NPTXR: variants seen among roughly 807,000 people sequenced by gnomAD.
NPTXR encodes neuronal pentraxin receptor.
A neutral mutation model predicts 32.2 loss-of-function variants in NPTXR; 12 were observed. The observed-to-expected ratio is 0.37, with a 90% CI of 0.24 to 0.60. The LOEUF (loss-of-function observed/expected upper bound fraction) is 0.60. NPTXR is among the 20% of genes least tolerant of loss of function. The pLI is 0.66. For synonymous variants in NPTXR, 323 were observed against 315.8 expected (o/e 1.02, Z -0.24); for missense variants, 612 against 682.9 (o/e 0.90, Z 1.16).
chr22:38,835,072 G>T (rs894914986), intron 1 of NPTXR, among the ~76,000 whole-genome samples: 1 of 152,208 alleles, frequency 6.6e-6, no homozygotes, highest in African/African-American at 2.4e-5. Context: ...CATAGTTCTT[G>T]TGGGATTCAA....
chr22:38,842,430 G>A (rs2093132917), intron 1 of NPTXR, among the ~76,000 whole-genome samples: 1 of 152,220 alleles, frequency 6.6e-6, no homozygotes, highest in South Asian at 2.1e-4. Flanking sequence ...GGAGGAAGGT[G>A]GCCATGGGAC....
chr22:38,843,175 C>A lies in NPTXR; in HGVS notation c.624+60G>T. The A allele has an allele frequency of 8.0e-7, 1 of 1,256,586 alleles. No individual in the cohort carries two copies. Among genetic ancestry groups the A allele is most frequent in the Admixed American group, 4.3e-5 (1 of 23,168 alleles). 77.8% of individuals were successfully genotyped at this position (1,256,586 alleles called of 1,614,324 possible). On this transcript the variant is annotated intron_variant, in intron 1 of 4. Coordinates refer to ENST00000333039, the MANE Select transcript of NPTXR (RefSeq NM_014293.4). The surrounding 1 kb of genome is among the most constrained non-coding windows in gnomAD (Gnocchi z 5.3). ...GGAGGCTCGGGGACCGCCGGACGAC[C>A]GCGGCCGGGCGGCCCCTCACACCAC...
At chr22:38,839,512 G>A (rs1011277003) in intron 1 of NPTXR, among the ~76,000 whole-genome samples, 6 of 152,186 alleles carry the variant, frequency 3.9e-5, no homozygotes, top group African/African-American at 1.2e-4. Context: ...GGGCGTGGTG[G>A]CACATGCCTG....
At chr22:38,836,523 G>A (rs962847172) in intron 1 of NPTXR, among the ~76,000 whole-genome samples, 5 of 152,192 alleles carry the variant, frequency 3.3e-5, no homozygotes, top group African/African-American at 2.4e-5. Flanking sequence ...AGCTGTCTGC[G>A]TCCATTTGTA....
rs995751941 is a variant in NPTXR at position 38,833,494 on chromosome 22, C to T, written c.625-4982G>A. ...CCAGCTGAGTGGCCTTGTTATGTAACGGTGCCATGCCTCAGTTTCCCCATT... is the reference window on the plus strand; with the variant it reads ...CCAGCTGAGTGGCCTTGTTATGTAATGGTGCCATGCCTCAGTTTCCCCATT... On this transcript the variant is annotated intron_variant, in intron 1 of 4. Transcript: ENST00000333039. Among the ~76,000 whole-genome samples the T allele has an allele frequency of 4.6e-5, 7 of 152,302 alleles. No individual in the cohort carries two copies. In the East Asian group the frequency reaches 5.8e-4, roughly 13 times the overall value.
chr22:38,827,770 C>T (rs2146193203), intron 2 of NPTXR, among the ~76,000 whole-genome samples: 1 of 152,336 alleles, frequency 6.6e-6, no homozygotes, highest in Middle Eastern at 3.4e-3. Flanking sequence ...AAGCCAGAGA[C>T]AGATATGCAA....
intron 2 of NPTXR, 23 bp from the exon 3 acceptor site, chr22:38,826,770 T>C: frequency 6.2e-7 from 1 of 1,603,468 alleles, no homozygotes; most frequent in African/African-American, 1.3e-5. Flanking sequence ...AAGGCAGACA[T>C]GGTGGAGGTC....
rs2093121407 is a variant in NPTXR, at chr22:38,834,651, C to A, written c.625-6139G>T. 6.7e-6 allele frequency among the ~76,000 whole-genome samples: 1 copy of A among 149,360 alleles called. No individual in the cohort carries two copies. The highest frequency in any genetic ancestry group is 2.5e-5 in the African/African-American group (1 of 40,670). On this transcript the variant is annotated intron_variant, in intron 1 of 4. Coordinates refer to ENST00000333039, the MANE Select transcript of NPTXR (RefSeq NM_014293.4). This position sits in a 1 kb window ranked among gnomAD's most constrained non-coding sequence, Gnocchi z 4.4. ...ATCCATCCATCCATGTGTGCCGCAG[C>A]AACATGGCGTCGTAGTTGCAGACAC...
rs1269410999 is a variant in NPTXR, at chr22:38,834,611, T to TCCAC, written c.625-6100_625-6099insGTGG. Among the ~76,000 whole-genome samples the TCCAC allele has an allele frequency of 6.9e-6, 1 of 144,504 alleles. No homozygotes were observed. The highest frequency in any genetic ancestry group is 1.5e-5 in the Non-Finnish European group (1 of 67,526). The allele number at this position is 144,504 out of a possible 152,430, so 94.8% of individuals were successfully genotyped here. ...CATCCATCCATCCATCATCCATCCA[T>TCCAC]CCATCCATCCATCCATCCATCCATC... On this transcript the variant is annotated intron_variant, in intron 1 of 4. Coordinates refer to ENST00000333039, the MANE Select transcript of NPTXR (RefSeq NM_014293.4). This position sits in a 1 kb window ranked among gnomAD's most constrained non-coding sequence, Gnocchi z 4.4.
chr22:38,842,894 C>A (rs2093133606), intron 1 of NPTXR, among the ~76,000 whole-genome samples: 1 of 152,228 alleles, frequency 6.6e-6, no homozygotes, highest in Non-Finnish European at 1.5e-5. Context: ...GGTCCTAGTA[C>A]GTGCCAAGCA....
At chr22:38,840,561 G>A (rs1269847947) in intron 1 of NPTXR, among the ~76,000 whole-genome samples, 1 of 152,036 alleles carries the variant, frequency 6.6e-6, no homozygotes, top group Non-Finnish European at 1.5e-5. Flanking sequence ...GGGAGAGGGA[G>A]GGGCCAAGGA....
At position 38,822,489 on chromosome 22, in the gene NPTXR, G is replaced by T; in HGVS notation, c.*120C>A. ...GGGTACAGGTGAGGGGAAATGGGAGGCACAGCCAGGAGTGGGGCAGGAGGG... is the reference window on the plus strand; with the variant it reads ...GGGTACAGGTGAGGGGAAATGGGAGTCACAGCCAGGAGTGGGGCAGGAGGG... On this transcript the variant is annotated 3_prime_UTR_variant, in exon 5 of 5. Coordinates refer to ENST00000333039, the MANE Select transcript of NPTXR (RefSeq NM_014293.4). The T allele has an allele frequency of 2.4e-6, 2 of 825,888 alleles. No individual in the cohort carries two copies. Among genetic ancestry groups the T allele is most frequent in the Non-Finnish European group, 3.9e-6 (2 of 509,760 alleles). The allele number at this position is 825,888 out of a possible 1,614,324, so 51.2% of individuals were successfully genotyped here. A position where few individuals can be genotyped will look rare whatever the true frequency, so the allele number is the denominator to read the frequency against.
chr22:38,823,472 G>A (rs1348636873), intron 3 of NPTXR, among the ~76,000 whole-genome samples: 1 of 152,244 alleles, frequency 6.6e-6, no homozygotes, highest in Non-Finnish European at 1.5e-5. Flanking sequence ...GGGACTCTCT[G>A]GTTTTGGTTT....
chr22:38,839,602 G>A (rs1181752167), intron 1 of NPTXR, among the ~76,000 whole-genome samples: 5 of 151,772 alleles, frequency 3.3e-5, no homozygotes, highest in African/African-American at 9.7e-5. Context: ...CCAAGATTGC[G>A]CCACTGCACT....
rs1603244385 is a variant in NPTXR, at chr22:38,822,473, T to G, written c.*136A>C. 1 of 722,742 alleles carries G rather than the reference T, an allele frequency of 1.4e-6. No homozygotes were observed. 44.8% of individuals were successfully genotyped at this position (722,742 alleles called of 1,614,324 possible). On this transcript the variant is annotated 3_prime_UTR_variant, in exon 5 of 5. Coordinates refer to ENST00000333039, the MANE Select transcript of NPTXR (RefSeq NM_014293.4). ...GGCATTCTGGAGGTGTGGGTACAGG[T>G]GAGGGGAAATGGGAGGCACAGCCAG...
chr22:38,823,284 C>T (rs1176091603), intron 3 of NPTXR, 22 bp from the exon 4 acceptor site: 12 of 1,605,414 alleles, frequency 7.5e-6, no homozygotes, highest in Admixed American at 3.3e-5. Context: ...TCCCCCAACC[C>T]CAGGTCAGAG....
chr22:38,824,763 G>C (rs1214797998), intron 3 of NPTXR, among the ~76,000 whole-genome samples: 3 of 152,170 alleles, frequency 2.0e-5, no homozygotes, highest in Non-Finnish European at 2.9e-5. Context: ...GCAGCCAGGG[G>C]GTGATGAAGG....
rs1356059270 is a variant in NPTXR at position 38,843,514 on chromosome 22, A to G, written c.345T>C (p.Ala115=). 3.9e-6 allele frequency: 5 copies of G among 1,272,896 alleles called. No homozygotes were observed. The highest frequency in any genetic ancestry group is 4.9e-6 in the Non-Finnish European group (5 of 1,011,226). The allele number at this position is 1,272,896 out of a possible 1,614,324, so 78.9% of individuals were successfully genotyped here. ...GCAGCTCTTCGCGCTCGCCCGGCGC[A>G]GCGCCCGCCGCGTCCCCCTGCTGGG... is the stretch of plus-strand genomic sequence containing the variant. The change falls in exon 1 of 5, where the codon GCT becomes GCC. Residue 115 remains alanine, a synonymous_variant. Coordinates refer to ENST00000333039, the MANE Select transcript of NPTXR (RefSeq NM_014293.4). This position sits in a 1 kb window ranked among gnomAD's most constrained non-coding sequence, Gnocchi z 5.3.
At chr22:38,829,641 G>C (rs2093113149) in intron 1 of NPTXR, among the ~76,000 whole-genome samples, 1 of 152,166 alleles carries the variant, frequency 6.6e-6, no homozygotes, top group South Asian at 2.1e-4. Context: ...CTCCCCAGGG[G>C]CCTGGGAAGT....
Sources: allele counts gnomAD v4.1 joint callset (sites outside exome capture counted in the v4.1 genomes callset), GRCh38; gene constraint gnomAD v4.1.1; non-coding constraint Gnocchi (gnomAD v3.1); transcripts MANE v1.5; gene names NCBI Gene and HGNC (gene_info 2026-07-23, HGNC 2026-07-21).